PTPRD: variants seen among roughly 807,000 people sequenced by gnomAD.
The protein encoded by PTPRD is protein tyrosine phosphatase receptor type D, also known as receptor-type tyrosine-protein phosphatase delta.
PTPRD carries 34 observed loss-of-function variants against 214.5 expected under a neutral mutation model. The ratio of observed to expected loss-of-function variants is 0.16; its 90% CI spans 0.12 to 0.21. PTPRD has a LOEUF of 0.21. PTPRD is among the 10% of genes least tolerant of loss of function. PTPRD has a pLI of 1.00. For missense variants in PTPRD, 2,545 were observed against 2,398.7 expected (o/e 1.06, Z -1.27); for synonymous variants, 1,128 against 845.7 (o/e 1.33, Z -5.79).
chr9:9,834,888 G>C (rs1032756463), intron 5 of PTPRD, among the ~76,000 whole-genome samples: 1 of 151,810 alleles, frequency 6.6e-6, no homozygotes, highest in Non-Finnish European at 1.5e-5. Flanking sequence ...AGCAAAAACT[G>C]TGTCCTCTGG....
At chr9:9,652,851 T>A (rs928132689) in intron 7 of PTPRD, among the ~76,000 whole-genome samples, 3 of 151,998 alleles carry the variant, frequency 2.0e-5, no homozygotes, top group Non-Finnish European at 4.4e-5. Flanking sequence ...TGACCTCAGG[T>A]GATCCACCTG....
In PTPRD at chr9:8,330,949, A is replaced by AGCAACTTCCAAAAACACTAAATTTATGGT. The variant is rs1396192871; in HGVS notation, c.5534+604_5534+632dup. Among the ~76,000 whole-genome samples, 3 of 151,712 alleles carry AGCAACTTCCAAAAACACTAAATTTATGGT rather than the reference A, an allele frequency of 2.0e-5. 1 individual carries two copies. The highest frequency in any genetic ancestry group is 7.3e-5 in the African/African-American group (3 of 41,028). ...TGCTTTTGTTAGAAGGTTTTTGCATAGCAACTTCCAAAAACACTAAATTTA... is the reference window on the plus strand; with the variant it reads ...TGCTTTTGTTAGAAGGTTTTTGCATAGCAACTTCCAAAAACACTAAATTTATGGTGCAACTTCCAAAAACACTAAATTTA... On this transcript the variant is annotated intron_variant, in intron 44 of 45. Transcript: ENST00000381196.
At chr9:9,755,284 G>A (rs1451313883) in intron 6 of PTPRD, among the ~76,000 whole-genome samples, 1 of 151,978 alleles carries the variant, frequency 6.6e-6, no homozygotes, top group Admixed American at 6.6e-5. Context: ...AAATCACTGA[G>A]TATGCTACCT....
At chr9:9,336,841 T>C (rs2044699816) in intron 9 of PTPRD, among the ~76,000 whole-genome samples, 1 of 152,186 alleles carries the variant, frequency 6.6e-6, no homozygotes, top group Admixed American at 6.6e-5. Context: ...ATCTTTGTGA[T>C]AGTTTATATG....
intron 11 of PTPRD, among the ~76,000 whole-genome samples, chr9:8,996,511 G>A (rs1211665594): frequency 1.3e-5 from 2 of 152,004 alleles, no homozygotes; most frequent in East Asian, 1.9e-4. Context: ...GGGATCTGTG[G>A]GGTGCCTTAC....
intron 3 of PTPRD, among the ~76,000 whole-genome samples, chr9:10,262,105 T>G (rs1261204535): frequency 1.3e-5 from 2 of 152,068 alleles, no homozygotes; most frequent in Non-Finnish European, 2.9e-5. Flanking sequence ...ACCATTTAAT[T>G]GACAAATGAA....
intron 2 of PTPRD, among the ~76,000 whole-genome samples, chr9:10,502,827 T>C (rs12337486): frequency 0.22 from 33,604 of 151,950 alleles, 4,514 homozygotes; most frequent in Middle Eastern, 0.29. Flanking sequence ...TTAATAGTAA[T>C]AGAATCACTG....
intron 14 of PTPRD, among the ~76,000 whole-genome samples, chr9:8,582,158 G>A (rs1370950221): frequency 6.6e-6 from 1 of 152,118 alleles, no homozygotes; most frequent in Non-Finnish European, 1.5e-5. Flanking sequence ...GACAGAGGCA[G>A]TATTTCACAT....
chr9:9,187,644 T>C (rs1170227830), intron 9 of PTPRD, among the ~76,000 whole-genome samples: 1 of 151,986 alleles, frequency 6.6e-6, no homozygotes, highest in African/African-American at 2.4e-5. Flanking sequence ...TCATCCCTTA[T>C]AGGTTTCTTG....
At chr9:9,067,773 A>C (rs2099737202) in intron 10 of PTPRD, among the ~76,000 whole-genome samples, 1 of 152,214 alleles carries the variant, frequency 6.6e-6, no homozygotes, top group African/African-American at 2.4e-5. Flanking sequence ...GAACCAGAAT[A>C]TTGACATCAA....
At chr9:9,342,018 A>G (rs1026880544) in intron 9 of PTPRD, among the ~76,000 whole-genome samples, 2 of 152,116 alleles carry the variant, frequency 1.3e-5, no homozygotes, top group Admixed American at 6.6e-5. Flanking sequence ...CATATTGGTC[A>G]GGATGATCTC....
chr9:9,349,495 G>A (rs1352866488), intron 9 of PTPRD, among the ~76,000 whole-genome samples: 1 of 151,668 alleles, frequency 6.6e-6, no homozygotes, highest in Non-Finnish European at 1.5e-5. Context: ...GCCACCTAAT[G>A]TTTACATTTT....
chr9:10,243,938 T>C (rs981089974), intron 3 of PTPRD, among the ~76,000 whole-genome samples: 9 of 152,084 alleles, frequency 5.9e-5, no homozygotes, highest in Admixed American at 3.9e-4. Flanking sequence ...AGTTTGATCA[T>C]TTGTTGTATA....
intron 11 of PTPRD, among the ~76,000 whole-genome samples, chr9:8,796,732 C>A (rs2096436722): frequency 6.6e-6 from 1 of 152,056 alleles, no homozygotes; most frequent in African/African-American, 2.4e-5. Context: ...CATGGAAGCT[C>A]TAATCTTCTG....
chr9:8,767,986 C>T (rs1005057287), intron 11 of PTPRD, among the ~76,000 whole-genome samples: 4 of 152,136 alleles, frequency 2.6e-5, no homozygotes, highest in African/African-American at 7.2e-5. Flanking sequence ...AACAAATATA[C>T]TACGGTAATT....
chr9:9,742,550 G>T (rs1326168901), intron 6 of PTPRD, among the ~76,000 whole-genome samples: 1 of 151,986 alleles, frequency 6.6e-6, no homozygotes, highest in Non-Finnish European at 1.5e-5. Context: ...TGAGGATATG[G>T]GTTAAGGAAA....
At chr9:8,680,057 C>T (rs1416111960) in intron 12 of PTPRD, among the ~76,000 whole-genome samples, 1 of 151,940 alleles carries the variant, frequency 6.6e-6, no homozygotes, top group South Asian at 2.1e-4. Context: ...TCTTATAAAT[C>T]ATATTTTATA....
intron 9 of PTPRD, among the ~76,000 whole-genome samples, chr9:9,189,083 A>C (rs920863466): frequency 1.3e-5 from 2 of 152,016 alleles, no homozygotes; most frequent in African/African-American, 4.8e-5. Context: ...ATCAGAAGAG[A>C]TGGGAATACA....
At chr9:10,190,399 AAAAAAAAAAAAAAAAAAAAAAC>A (rs2099357946) in intron 3 of PTPRD, among the ~76,000 whole-genome samples, 2 of 51,782 alleles carry the variant, frequency 3.9e-5, no homozygotes, top group African/African-American at 1.5e-4. Context: ...AAAAAAAAAA[AAAAAAAAAAAAAAAAAAAAAAC>A]AAAAAGTCAA....
Sources: allele counts gnomAD v4.1 joint callset (sites outside exome capture counted in the v4.1 genomes callset), GRCh38; gene constraint gnomAD v4.1.1; transcripts MANE v1.5; gene names NCBI Gene and HGNC (gene_info 2026-07-23, HGNC 2026-07-21).